The following SDK1 variants were observed in gnomAD, a reference collection of about 807,000 sequenced individuals.
SDK1 encodes protein sidekick-1.
In SDK1, 157 loss-of-function variants were observed where a neutral mutation model predicts 245.5. The ratio of observed to expected loss-of-function variants is 0.64; its 90% CI spans 0.56 to 0.73. The LOEUF is 0.73. SDK1 is among the 30% of genes least tolerant of loss of function. The pLI, the probability that SDK1 is intolerant of heterozygous loss-of-function variation, is 0.00. For synonymous variants in SDK1, 1,647 were observed against 1,278.5 expected (o/e 1.29, Z -6.15); for missense variants, 3,583 against 3,002.3 (o/e 1.19, Z -4.52).
At chr7:3,495,421 A>C (rs567415230) in intron 1 of SDK1, among the ~76,000 whole-genome samples, 9 of 151,364 alleles carry the variant, frequency 5.9e-5, no homozygotes, top group Non-Finnish European at 1.2e-4. Context: ...GCCACACTGG[A>C]GTAATTTTTG....
intron 1 of SDK1, among the ~76,000 whole-genome samples, chr7:3,581,737 G>C (rs369864259): frequency 6.6e-6 from 1 of 152,176 alleles, no homozygotes; most frequent in African/African-American, 2.4e-5. Context: ...CAAAGACATG[G>C]AGTCAACCTA....
chr7:3,903,116 A>C (rs895620034), intron 5 of SDK1, among the ~76,000 whole-genome samples: 1 of 151,172 alleles, frequency 6.6e-6, no homozygotes, highest in Non-Finnish European at 1.5e-5. Context: ...CAGGTTTTTT[A>C]GTTTGTTTGT....
At chr7:3,392,228 T>C (rs867025905) in intron 1 of SDK1, among the ~76,000 whole-genome samples, 1 of 152,160 alleles carries the variant, frequency 6.6e-6, no homozygotes, top group African/African-American at 2.4e-5. Context: ...CCATGTACTC[T>C]AGCAAATTCC....
chr7:3,352,932 C>T (rs6959185), intron 1 of SDK1, among the ~76,000 whole-genome samples: 1 of 151,996 alleles, frequency 6.6e-6, no homozygotes, highest in Non-Finnish European at 1.5e-5. Flanking sequence ...ATCATGGATG[C>T]AGGAACAAGC....
intron 19 of SDK1, among the ~76,000 whole-genome samples, chr7:4,056,410 C>G (rs542151531): frequency 6.6e-6 from 1 of 152,060 alleles, no homozygotes; most frequent in East Asian, 1.9e-4. Context: ...ACAAGAACAG[C>G]AAGTAGGTAA....
At chr7:3,770,409 A>C (rs1479466255) in intron 4 of SDK1, among the ~76,000 whole-genome samples, 1 of 152,200 alleles carries the variant, frequency 6.6e-6, no homozygotes, top group African/African-American at 2.4e-5. Flanking sequence ...TTCTGTGAAC[A>C]TTCATGCACA....
intron 22 of SDK1, among the ~76,000 whole-genome samples, chr7:4,107,312 C>T (rs929563294): frequency 3.3e-5 from 5 of 152,106 alleles, no homozygotes; most frequent in Non-Finnish European, 2.9e-5. Context: ...GGCAAGGACC[C>T]GGAAGGCAGG....
At position 4,129,606 on chromosome 7, in the gene SDK1, A is replaced by C. The variant is rs1263615901; in HGVS notation, c.3940-302A>C. ...GTGTTCATAATCGAGTCTTTGTTTT[A>C]GTGGCTGTGGTTGGCATGGCTGCAG... On this transcript the variant is annotated intron_variant, in intron 26 of 44. Transcript: ENST00000404826. 4 of 1,158,284 alleles carry C rather than the reference A, an allele frequency of 3.5e-6. No homozygotes were observed. In the African/African-American group the frequency reaches 6.4e-5, roughly 19 times the overall value. 71.8% of individuals were successfully genotyped at this position (1,158,284 alleles called of 1,614,324 possible).
chr7:3,724,134 G>C (rs746641008), intron 4 of SDK1, among the ~76,000 whole-genome samples: 6 of 151,838 alleles, frequency 4.0e-5, no homozygotes, highest in African/African-American at 9.7e-5. Context: ...CAGCTAATTT[G>C]TTGTATTTTT....
chr7:3,920,699 A>T (rs919763085), intron 5 of SDK1, among the ~76,000 whole-genome samples: 1 of 152,096 alleles, frequency 6.6e-6, no homozygotes, highest in Non-Finnish European at 1.5e-5. Flanking sequence ...CTGTTTTAGG[A>T]TTAATTTCTA....
intron 5 of SDK1, among the ~76,000 whole-genome samples, chr7:3,827,925 A>G (rs945650346): frequency 6.6e-6 from 1 of 152,214 alleles, no homozygotes; most frequent in Admixed American, 6.5e-5. Flanking sequence ...TATGATAAGC[A>G]GTGAGATTTC....
chr7:3,896,395 C>G (rs982698336), intron 5 of SDK1, among the ~76,000 whole-genome samples: 1 of 152,216 alleles, frequency 6.6e-6, no homozygotes, highest in Admixed American at 6.5e-5. Context: ...ATGTTGCCTC[C>G]TCCTGTTATT....
intron 1 of SDK1, among the ~76,000 whole-genome samples, chr7:3,437,637 C>T (rs944084077): frequency 5.3e-5 from 8 of 151,988 alleles, no homozygotes; most frequent in Non-Finnish European, 7.4e-5. Context: ...TGTGATGGTG[C>T]GCGCCTGTAG....
chr7:3,324,031 T>G (rs529218803), intron 1 of SDK1, among the ~76,000 whole-genome samples: 30 of 152,328 alleles, frequency 2.0e-4, no homozygotes, highest in African/African-American at 7.0e-4. Context: ...CTATTTCATG[T>G]AGAAGTAAGC....
chr7:4,121,092 G>A (rs1784033155), intron 25 of SDK1, among the ~76,000 whole-genome samples: 1 of 151,908 alleles, frequency 6.6e-6, no homozygotes, highest in Admixed American at 6.6e-5. Context: ...TTTTTCTTCT[G>A]ACTTTGTTTT....
At chr7:3,589,088 C>G (rs991420068) in intron 1 of SDK1, among the ~76,000 whole-genome samples, 1 of 152,346 alleles carries the variant, frequency 6.6e-6, no homozygotes, top group East Asian at 1.9e-4. Flanking sequence ...TGCAACTCAG[C>G]AGGGAGAAAT....
At chr7:3,375,431 T>A (rs571296575) in intron 1 of SDK1, among the ~76,000 whole-genome samples, 3 of 152,334 alleles carry the variant, frequency 2.0e-5, no homozygotes, top group Non-Finnish European at 4.4e-5. Flanking sequence ...GCCTGCAAGT[T>A]GGCTCCCAGT....
chr7:3,975,186 T>A (rs1170600078), intron 13 of SDK1, among the ~76,000 whole-genome samples: 1 of 152,198 alleles, frequency 6.6e-6, no homozygotes, highest in Non-Finnish European at 1.5e-5. Context: ...GAAACCAAAA[T>A]ACCTGCTGAC....
intron 1 of SDK1, among the ~76,000 whole-genome samples, chr7:3,606,232 C>T (rs528398569): frequency 1.3e-5 from 2 of 152,048 alleles, no homozygotes; most frequent in South Asian, 4.2e-4. Flanking sequence ...TCTTCTTTTT[C>T]TCTTATGCTT....
Sources: allele counts gnomAD v4.1 joint callset (sites outside exome capture counted in the v4.1 genomes callset), GRCh38; gene constraint gnomAD v4.1.1; transcripts MANE v1.5; gene names NCBI Gene and HGNC (gene_info 2026-07-23, HGNC 2026-07-21).